RB1: variants seen among roughly 807,000 people sequenced by gnomAD.
RB1 encodes RB transcriptional corepressor 1.
In RB1, 18 loss-of-function variants were observed where a neutral mutation model predicts 135.4. That is an observed-to-expected ratio of 0.13 (90% confidence interval 0.09 to 0.20). The LOEUF (loss-of-function observed/expected upper bound fraction) is 0.20, where lower values mean the gene tolerates loss of function less well. Among genes scored for constraint, RB1 ranks in the 10% least tolerant of loss-of-function variants. The pLI is 1.00. For missense variants in RB1, 868 were observed against 1,110.0 expected, an observed-to-expected ratio of 0.78 and a Z score of 3.10; for synonymous variants, 365 against 373.2, an observed-to-expected ratio of 0.98 and a Z score of 0.25.
intron 21 of RB1, 90 bp downstream of exon 21, chr13:48,463,925 G>A (rs1037680562): frequency 1.1e-4 from 91 of 809,582 alleles, no homozygotes; most frequent in South Asian, 4.0e-4. Context: ...ATTCATTAAT[G>A]AGATCATATA....
intron 11 of RB1, among the ~76,000 whole-genome samples, chr13:48,372,645 C>T (rs1952772309): frequency 2.0e-5 from 3 of 149,336 alleles, no homozygotes; most frequent in Admixed American, 2.0e-4. Context: ...AGCAAGGCTC[C>T]TTCTCAAAAA....
At chr13:48,385,291 T>C (rs780964848) in intron 17 of RB1, among the ~76,000 whole-genome samples, 2 of 152,142 alleles carry the variant, frequency 1.3e-5, no homozygotes, top group South Asian at 2.1e-4. Context: ...GGAGGACATA[T>C]TCATCTGGTA....
chr13:48,320,362 A>AC, intron 2 of RB1: 2 of 1,238,262 alleles, frequency 1.6e-6, no homozygotes, highest in Non-Finnish European at 2.3e-6. Flanking sequence ...CACGCTCTCC[A>AC]CCCCCTCGTC....
intron 17 of RB1, chr13:48,439,675 G>A (rs149721370): frequency 1.0e-3 from 153 of 152,290 alleles, no homozygotes; most frequent in African/African-American, 3.6e-3. Context: ...GCTATTGAAT[G>A]TGTTATGATT....
At chr13:48,438,112 G>A (rs369356382) in intron 17 of RB1, among the ~76,000 whole-genome samples, 1 of 152,260 alleles carries the variant, frequency 6.6e-6, no homozygotes, top group African/African-American at 2.4e-5. Context: ...GTAGTCACCT[G>A]TCTAAAATCC....
intron 9 of RB1, among the ~76,000 whole-genome samples, chr13:48,366,838 G>C (rs1952705187): frequency 6.6e-6 from 1 of 152,128 alleles, no homozygotes; most frequent in South Asian, 2.1e-4. Context: ...TTAAAAGCAG[G>C]CTGGGCGCGG....
At chr13:48,341,054 T>C (rs1377696111) in intron 2 of RB1, 3 of 152,112 alleles carry the variant, frequency 2.0e-5, no homozygotes, top group East Asian at 3.8e-4. Flanking sequence ...CAGAAAGTTC[T>C]TTCATTCCCC....
rs1949432999 is a variant in RB1, at chr13:48,465,277, C to G, written c.2398C>G (p.Pro800Ala). 6.2e-7 allele frequency: 1 copy of G among 1,612,498 alleles called. No homozygotes were observed. Among genetic ancestry groups the G allele is most frequent in the Non-Finnish European group, 8.5e-7 (1 of 1,178,574 alleles). ...GTTTCCTAGTTCACCCTTACGGATT[C>G]CTGGAGGGAACATCTATATTTCACC... ...YKFPSSPLRI[P>A]GGNIYISPLK... Residue 800 changes from proline to alanine, a missense_variant, in exon 23 of 27, where the codon CCT (proline) becomes GCT (alanine). Transcript: ENST00000267163.
intron 1 of RB1, among the ~76,000 whole-genome samples, chr13:48,304,847 A>T (rs1952066822): frequency 6.7e-6 from 1 of 150,118 alleles, no homozygotes; most frequent in African/African-American, 2.5e-5. Flanking sequence ...TTGCCTTTTG[A>T]CTTTGAACCA....
At chr13:48,395,229 A>C (rs1190737519) in intron 17 of RB1, among the ~76,000 whole-genome samples, 1 of 152,198 alleles carries the variant, frequency 6.6e-6, no homozygotes. Context: ...TCCACACAGA[A>C]ACCCCATTTG....
chr13:48,318,054 C>A, intron 2 of RB1: 1 of 534,080 alleles, frequency 1.9e-6, no homozygotes, highest in South Asian at 1.7e-5. Context: ...CCCTGGCATT[C>A]CCTGGGGAAA....
At chr13:48,422,172 G>A (rs375635538) in intron 17 of RB1, among the ~76,000 whole-genome samples, 38 of 152,110 alleles carry the variant, frequency 2.5e-4, no homozygotes, top group Non-Finnish European at 4.0e-4. Flanking sequence ...ATATACCATC[G>A]AATACTATGC....
At chr13:48,390,383 G>C (rs1050808365) in intron 17 of RB1, among the ~76,000 whole-genome samples, 3 of 152,100 alleles carry the variant, frequency 2.0e-5, no homozygotes, top group African/African-American at 7.2e-5. Flanking sequence ...TGTATTTTAA[G>C]AAATGATCTT....
At position 48,365,779 on chromosome 13, in the gene RB1, A is replaced by G. The variant is rs377005679; in HGVS notation, c.939+808A>G. Among the ~76,000 whole-genome samples the G allele has an allele frequency of 5.9e-5, 9 of 152,312 alleles. No individual in the cohort carries two copies. The East Asian group carries it at 1.4e-3, about 23-fold the overall frequency. ...ATATGTCAGGCACGTGCTAGATACT[A>G]TGGATACAGAGATTTCACTCTCAGT... On this transcript the variant is annotated intron_variant, in intron 9 of 26. Transcript: ENST00000267163.
chr13:48,363,605 G>T (rs769614071), intron 8 of RB1, among the ~76,000 whole-genome samples: 1 of 152,082 alleles, frequency 6.6e-6, no homozygotes, highest in Non-Finnish European at 1.5e-5. Flanking sequence ...AAACTCTAGT[G>T]CTCTAGTGTT....
At chr13:48,450,092 A>ATT (rs1262682596) in intron 17 of RB1, among the ~76,000 whole-genome samples, 3 of 113,544 alleles carry the variant, frequency 2.6e-5, no homozygotes, top group African/African-American at 1.4e-4. Context: ...TGATATATAT[A>ATT]TATTTTTTTT....
At chr13:48,454,967 A>C (rs1401801079) in intron 18 of RB1, among the ~76,000 whole-genome samples, 3 of 152,216 alleles carry the variant, frequency 2.0e-5, no homozygotes, top group Non-Finnish European at 2.9e-5. Flanking sequence ...TCTAGCTGCT[A>C]TCTGAAGTAC....
At chr13:48,383,658 T>C (rs1241488213) in intron 17 of RB1, among the ~76,000 whole-genome samples, 3 of 152,078 alleles carry the variant, frequency 2.0e-5, no homozygotes, top group African/African-American at 7.2e-5. Flanking sequence ...GGGAAATTGA[T>C]AGAAGAATGT....
intron 11 of RB1, among the ~76,000 whole-genome samples, chr13:48,371,568 A>C (rs573844735): frequency 6.6e-6 from 1 of 152,146 alleles, no homozygotes; most frequent in Non-Finnish European, 1.5e-5. Context: ...TGATGAATTC[A>C]TACTTAGAAT....
Sources: allele counts gnomAD v4.1 joint callset (sites outside exome capture counted in the v4.1 genomes callset), GRCh38; gene constraint gnomAD v4.1.1; transcripts MANE v1.5; gene names NCBI Gene and HGNC (gene_info 2026-07-23, HGNC 2026-07-21).